Variants in SCN3A observed in about 807,000 individuals in gnomAD.
SCN3A encodes sodium voltage-gated channel alpha subunit 3, also known as sodium channel protein type 3 subunit alpha.
In SCN3A, 60 loss-of-function variants were observed where a neutral mutation model predicts 187.6. The observed-to-expected ratio is 0.32, with a 90% CI of 0.26 to 0.40. The LOEUF (loss-of-function observed/expected upper bound fraction) is 0.40, where lower values mean the gene tolerates loss of function less well. SCN3A is among the 10% of genes least tolerant of loss of function. The pLI, the probability that SCN3A is intolerant of heterozygous loss-of-function variation, is 1.00. For missense variants in SCN3A, 1,601 were observed against 2,428.2 expected, an observed-to-expected ratio of 0.66 and a Z score of 7.16; for synonymous variants, 788 against 829.2, an observed-to-expected ratio of 0.95 and a Z score of 0.85.
At position 165,114,102 on chromosome 2, in the gene SCN3A, T is replaced by A. The variant is rs3213904; in HGVS notation, c.3515-132A>T. On this transcript the variant is annotated intron_variant, in intron 19 of 27. Transcript: ENST00000283254. ...GGTAACCATCTCCTTCATTTCCTAGTTATCGTCAGCATCCCTCCTGTATAA... is the reference window on the plus strand; with the variant it reads ...GGTAACCATCTCCTTCATTTCCTAGATATCGTCAGCATCCCTCCTGTATAA... The A allele has an allele frequency of 0.28, 161,572 of 584,452 alleles. 24,559 individuals carry two copies. Among genetic ancestry groups the A allele is most frequent in the Non-Finnish European group, 0.32 (107,539 of 338,916 alleles). The allele number at this position is 584,452 out of a possible 1,614,324, so 36.2% of individuals were successfully genotyped here. A position where few individuals can be genotyped will look rare whatever the true frequency, so the allele number is the denominator to read the frequency against.
intron 2 of SCN3A, among the ~76,000 whole-genome samples, chr2:165,183,297 A>T (rs908407818): frequency 1.3e-5 from 2 of 152,242 alleles, no homozygotes; most frequent in Admixed American, 6.5e-5. Flanking sequence ...ATGTCTACTG[A>T]CAAACACAAA....
At chr2:165,118,062 A>G (rs1686458171) in intron 18 of SCN3A, among the ~76,000 whole-genome samples, 1 of 152,070 alleles carries the variant, frequency 6.6e-6, no homozygotes, top group African/African-American at 2.4e-5. Context: ...ACACATATGG[A>G]CCTCTGGTTG....
chr2:165,164,584 A>T, intron 5 of SCN3A, 64 bp from the exon 6 acceptor site: 2 of 1,545,042 alleles, frequency 1.3e-6, no homozygotes, highest in East Asian at 2.3e-5. Context: ...AATGTTTTCA[A>T]TCATAGCAAA....
chr2:165,125,080 T>G (rs74761795), intron 18 of SCN3A, among the ~76,000 whole-genome samples: 2,214 of 152,270 alleles, frequency 0.015, 46 homozygotes, highest in African/African-American at 0.05. Flanking sequence ...ACTTACCTCA[T>G]GTAGATTATC....
intron 25 of SCN3A, 77 bp from the exon 26 acceptor site, chr2:165,094,555 A>G: frequency 2.1e-6 from 2 of 946,586 alleles, no homozygotes; most frequent in Non-Finnish European, 3.4e-6. Context: ...TCTTTCCTTT[A>G]ATCTTTTCTA....
chr2:165,093,145 TA>T (rs1368374951), intron 26 of SCN3A: 4 of 152,314 alleles, frequency 2.6e-5, no homozygotes, highest in East Asian at 1.9e-4. Flanking sequence ...ATAATTTTTA[TA>T]AAAAATAGTG....
chr2:165,146,242 G>T (rs1439809), intron 12 of SCN3A, among the ~76,000 whole-genome samples: 1 of 151,528 alleles, frequency 6.6e-6, no homozygotes, highest in Non-Finnish European at 1.5e-5. Context: ...TGTATGTTAC[G>T]ATCACAACTT....
chr2:165,173,670 T>G (rs1245553384), intron 3 of SCN3A, among the ~76,000 whole-genome samples: 1 of 152,184 alleles, frequency 6.6e-6, no homozygotes, highest in Admixed American at 6.5e-5. Flanking sequence ...AGCTTTTAAA[T>G]GCCTTTTACT....
chr2:165,122,806 C>T (rs1245910828), intron 18 of SCN3A: 1 of 152,104 alleles, frequency 6.6e-6, no homozygotes, highest in Non-Finnish European at 1.5e-5. Context: ...GTACAACTTG[C>T]TTGGATAACC....
rs769047400 is a variant in SCN3A, at chr2:165,090,347, T to A, written c.5806A>T (p.Ile1936Phe). The A allele has an allele frequency of 6.2e-7, 1 of 1,613,250 alleles. No homozygotes were observed. The highest frequency in any genetic ancestry group is 8.5e-7 in the Non-Finnish European group (1 of 1,179,302). ...NYNKEAIKGRIDLPIKQDMII... is the reference protein window; with the variant it reads ...NYNKEAIKGRFDLPIKQDMII... Reference sequence around the variant, plus strand: ...ATGTCTTGTTTTATAGGTAAGTCAATCCTCCCTTTAATTGCCTCTTTGTTA... The same window carrying A: ...ATGTCTTGTTTTATAGGTAAGTCAAACCTCCCTTTAATTGCCTCTTTGTTA... The change falls in exon 28 of 28, where the codon ATT becomes TTT. Residue 1936 changes from isoleucine to phenylalanine, a missense_variant. By Grantham distance (21) the Ile-to-Phe change is conservative. Transcript: ENST00000283254. This position sits in a 1 kb window ranked among gnomAD's most constrained non-coding sequence, Gnocchi z 4.0.
chr2:165,103,142 A>G (rs1398435303), intron 21 of SCN3A, among the ~76,000 whole-genome samples: 1 of 152,240 alleles, frequency 6.6e-6, no homozygotes, highest in Non-Finnish European at 1.5e-5. Flanking sequence ...TTTTGAAATG[A>G]GATCTTTCAA....
chr2:165,135,655 A>G (rs1438193339), intron 15 of SCN3A, among the ~76,000 whole-genome samples: 2 of 152,086 alleles, frequency 1.3e-5, no homozygotes, highest in African/African-American at 4.8e-5. Flanking sequence ...TTACTTTCAT[A>G]TGGATATTTA....
At chr2:165,098,024 T>C (rs1685440617) in intron 22 of SCN3A, among the ~76,000 whole-genome samples, 2 of 152,218 alleles carry the variant, frequency 1.3e-5, no homozygotes, top group Non-Finnish European at 2.9e-5. Context: ...GATTAGGAAT[T>C]TACTGGGTCC....
At chr2:165,145,065 G>A (rs557502640) in intron 12 of SCN3A, among the ~76,000 whole-genome samples, 7 of 152,196 alleles carry the variant, frequency 4.6e-5, no homozygotes, top group African/African-American at 1.7e-4. Flanking sequence ...CTTACTCTTT[G>A]TCACACAGAT....
intron 24 of SCN3A, 144 bp from the exon 25 acceptor site, chr2:165,095,792 A>C: frequency 1.9e-6 from 1 of 517,614 alleles, no homozygotes; most frequent in Non-Finnish European, 3.4e-6. Context: ...AATTTTTTAA[A>C]ACTAGTATGA....
chr2:165,135,340 A>G (rs955497660), intron 15 of SCN3A, among the ~76,000 whole-genome samples: 1 of 152,106 alleles, frequency 6.6e-6, no homozygotes, highest in African/African-American at 2.4e-5. Flanking sequence ...AAGTGATGTA[A>G]TTTTTATGTA....
chr2:165,152,345 G>T (rs1257571337), intron 11 of SCN3A, among the ~76,000 whole-genome samples: 1 of 152,202 alleles, frequency 6.6e-6, no homozygotes, highest in African/African-American at 2.4e-5. Context: ...GATCAAGCTT[G>T]CAGAGGTGAA....
At chr2:165,164,608 T>C in intron 5 of SCN3A, 88 bp from the exon 6 acceptor site, 1 of 1,449,562 alleles carries the variant, frequency 6.9e-7, no homozygotes, top group East Asian at 2.4e-5. Flanking sequence ...TATCCTTTTG[T>C]GGTTTTTCAA....
At chr2:165,142,911 C>T (rs537022824) in intron 12 of SCN3A, among the ~76,000 whole-genome samples, 2 of 152,124 alleles carry the variant, frequency 1.3e-5, no homozygotes, top group South Asian at 4.2e-4. Flanking sequence ...GCCACCACAC[C>T]TGGCTAAGTT....
Sources: allele counts gnomAD v4.1 joint callset (sites outside exome capture counted in the v4.1 genomes callset), GRCh38; gene constraint gnomAD v4.1.1; non-coding constraint Gnocchi (gnomAD v3.1); transcripts MANE v1.5; gene names NCBI Gene and HGNC (gene_info 2026-07-23, HGNC 2026-07-21).